The following PRICKLE1 variants were observed in gnomAD, a reference collection of about 807,000 sequenced individuals.
PRICKLE1 encodes prickle planar cell polarity protein 1, also known as prickle-like protein 1.
Under a neutral mutation model 70.2 loss-of-function variants are expected in PRICKLE1, and 14 were observed. The observed-to-expected ratio is 0.20, with a 90% CI of 0.13 to 0.31. The LOEUF (loss-of-function observed/expected upper bound fraction) is 0.31. Ranked by LOEUF, PRICKLE1 falls within the 10% of genes least tolerant of loss-of-function variation. The probability of loss-of-function intolerance (pLI) is 1.00; values close to 1 mark genes in which losing one functional copy is unlikely to be tolerated. For missense variants in PRICKLE1, 821 were observed against 1,026.2 expected (o/e 0.80, Z 2.73); for synonymous variants, 357 against 379.9 (o/e 0.94, Z 0.70).
chr12:42,584,192 T>G (rs1206159219), intron 1 of PRICKLE1, among the ~76,000 whole-genome samples: 2 of 152,192 alleles, frequency 1.3e-5, no homozygotes, highest in Non-Finnish European at 2.9e-5. Flanking sequence ...TCTCTCTACC[T>G]TTTTAATGTT....
intron 1 of PRICKLE1, among the ~76,000 whole-genome samples, chr12:42,544,490 C>T (rs917566598): frequency 1.2e-4 from 18 of 152,140 alleles, no homozygotes; most frequent in African/African-American, 4.1e-4. Flanking sequence ...CTCCCCTACT[C>T]CCATCTTCCC....
intron 1 of PRICKLE1, among the ~76,000 whole-genome samples, chr12:42,539,744 C>T (rs1421411446): frequency 1.3e-5 from 2 of 152,134 alleles, no homozygotes; most frequent in Non-Finnish European, 2.9e-5. Context: ...CATATTTATG[C>T]ATTAAGTTTT....
intron 1 of PRICKLE1, among the ~76,000 whole-genome samples, chr12:42,527,909 T>C (rs1939832753): frequency 7.6e-6 from 1 of 131,638 alleles, no homozygotes; most frequent in African/African-American, 2.9e-5. Context: ...TTATATATAC[T>C]CTTTATAATA....
At chr12:42,513,205 G>A (rs528971015) in intron 1 of PRICKLE1, among the ~76,000 whole-genome samples, 17 of 151,946 alleles carry the variant, frequency 1.1e-4, no homozygotes, top group Non-Finnish European at 2.2e-4. Context: ...CAGGTGATCC[G>A]CCCCCCTCGG....
chr12:42,467,797 T>C (rs578243563), intron 5 of PRICKLE1, among the ~76,000 whole-genome samples: 4 of 152,122 alleles, frequency 2.6e-5, no homozygotes, highest in South Asian at 2.1e-4. Context: ...AAATAGAACA[T>C]TGTTGAAAAA....
intron 1 of PRICKLE1, among the ~76,000 whole-genome samples, chr12:42,521,075 G>A (rs1467136216): frequency 6.6e-6 from 1 of 152,126 alleles, no homozygotes; most frequent in Non-Finnish European, 1.5e-5. Flanking sequence ...GGAGGTTGAG[G>A]CAGGAGAATG....
At chr12:42,461,927 T>C (rs569565476) in intron 7 of PRICKLE1, among the ~76,000 whole-genome samples, 9 of 151,964 alleles carry the variant, frequency 5.9e-5, no homozygotes, top group African/African-American at 2.2e-4. Flanking sequence ...GCCTCCCGAG[T>C]AGCTGGGATT....
rs1189800722 is a variant in PRICKLE1 at position 42,458,590 on chromosome 12, CCA to C, written c.*1217_*1218del. The C allele has an allele frequency of 1.3e-5, 2 of 152,034 alleles. No homozygotes were observed. The highest frequency in any genetic ancestry group is 2.9e-5 in the Non-Finnish European group (2 of 68,010). 9.4% of individuals were successfully genotyped at this position (152,034 alleles called of 1,614,324 possible). ...TAAAACAAAAACATAACCAGAAGAC[CCA>C]GTTTTCAAAATTGCTGTTAAAGGCC... On this transcript the variant is annotated 3_prime_UTR_variant, in exon 8 of 8. Coordinates refer to ENST00000345127, the MANE Select transcript of PRICKLE1 (RefSeq NM_153026.3).
At chr12:42,470,628 C>T (rs966786190) in intron 2 of PRICKLE1, among the ~76,000 whole-genome samples, 6 of 151,724 alleles carry the variant, frequency 4.0e-5, no homozygotes, top group South Asian at 2.1e-4. Context: ...CCACTCTTCC[C>T]GGTGGTGTGG....
chr12:42,482,875 G>A (rs1014094740), intron 1 of PRICKLE1: 1 of 151,936 alleles, frequency 6.6e-6, no homozygotes, highest in Non-Finnish European at 1.5e-5. Flanking sequence ...CGCCGCCGCA[G>A]CAGCAGAGAC....
intron 1 of PRICKLE1, among the ~76,000 whole-genome samples, chr12:42,482,057 T>A (rs1184559572): frequency 6.6e-6 from 1 of 152,278 alleles, no homozygotes; most frequent in African/African-American, 2.4e-5. Flanking sequence ...TAGTATTTTC[T>A]GTATTTTCCA....
Position 42,456,833 on chromosome 12 carries a change from A to G in PRICKLE1, c.*2976T>C, listed in dbSNP as rs1162405327. ...CAGTTGCTTCTTTCTTCCGTTGTAG[A>G]TAGTCTTCTGTTATTGCTACAAACT... is the stretch of plus-strand genomic sequence containing the variant. On this transcript the variant is annotated 3_prime_UTR_variant, in exon 8 of 8. Transcript: ENST00000345127. The G allele has an allele frequency of 6.6e-6, 1 of 152,144 alleles. No individual in the cohort carries two copies. Among genetic ancestry groups the G allele is most frequent in the African/African-American group, 2.4e-5 (1 of 41,424 alleles). 9.4% of individuals were successfully genotyped at this position (152,144 alleles called of 1,614,324 possible).
Position 42,459,242 on chromosome 12 carries a change from T to C in PRICKLE1, c.*567A>G, listed in dbSNP as rs1937697606. 3 of 665,134 alleles carry C rather than the reference T, an allele frequency of 4.5e-6. No individual in the cohort carries two copies. Among genetic ancestry groups the C allele is most frequent in the Non-Finnish European group, 8.1e-6 (3 of 372,082 alleles). 41.2% of individuals were successfully genotyped at this position (665,134 alleles called of 1,614,324 possible). A position where few individuals can be genotyped will look rare whatever the true frequency, so the allele number is the denominator to read the frequency against. The stretch of plus-strand genomic sequence containing the variant: ...AGTCTATGAAATACTAAGTTATAAA[T>C]AGCAATGTTTTTTGTTTTTTTTTTT... On this transcript the variant is annotated 3_prime_UTR_variant, in exon 8 of 8. Transcript: ENST00000345127.
Position 42,469,509 on chromosome 12 carries a change from G to A in PRICKLE1, c.325C>T (p.Leu109=). The A allele has an allele frequency of 6.2e-7, 1 of 1,614,122 alleles. No homozygotes were observed. ...VFSAQRKKEA[L]GRGTIKLLSR... is the part of the protein sequence containing the mutation. ...AGAAGCTTAATTGTTCCTCTTCCCA[G>A]TGCTTCTTTCTTCCGCTGAGCACTG... Residue 109 remains leucine, a synonymous_variant, in exon 4 of 8, where the codon CTG becomes TTG. Transcript: ENST00000345127.
chr12:42,587,762 C>A (rs1028192077), intron 1 of PRICKLE1, among the ~76,000 whole-genome samples: 1 of 152,262 alleles, frequency 6.6e-6, no homozygotes, highest in African/African-American at 2.4e-5. Flanking sequence ...CTCCACCAGA[C>A]AGCAAGATGA....
At chr12:42,522,342 A>G (rs963002559) in intron 1 of PRICKLE1, among the ~76,000 whole-genome samples, 4 of 152,014 alleles carry the variant, frequency 2.6e-5, no homozygotes, top group Admixed American at 6.6e-5. Flanking sequence ...GGCTCAAGCA[A>G]TCCTCCCACT....
intron 1 of PRICKLE1, among the ~76,000 whole-genome samples, chr12:42,586,395 T>C (rs936185859): frequency 2.0e-5 from 3 of 151,942 alleles, no homozygotes; most frequent in Non-Finnish European, 4.4e-5. Flanking sequence ...ATTACCTTTT[T>C]TTTTTTTTTT....
intron 1 of PRICKLE1, among the ~76,000 whole-genome samples, chr12:42,504,967 C>T (rs180906555): frequency 0.014 from 2,175 of 150,952 alleles, 24 homozygotes; most frequent in African/African-American, 0.033. Flanking sequence ...TGATGAAACC[C>T]GGTCTCTACT....
chr12:42,502,510 T>C (rs1195828317), intron 1 of PRICKLE1, among the ~76,000 whole-genome samples: 3 of 151,942 alleles, frequency 2.0e-5, no homozygotes, highest in African/African-American at 7.3e-5. Flanking sequence ...GGTGTCTCAC[T>C]GTCTTGCCCA....
Sources: gnomAD v4.1 joint callset for allele counts (sites outside exome capture counted in the v4.1 genomes callset) on GRCh38, gnomAD v4.1.1 for gene constraint, MANE v1.5 for transcripts, NCBI Gene and HGNC (gene_info 2026-07-23, HGNC 2026-07-21) for gene names.